The following CHD4 variants were observed in gnomAD, a reference collection of about 807,000 sequenced individuals.
CHD4 encodes chromodomain helicase DNA binding protein 4.
A neutral mutation model predicts 235.5 loss-of-function variants in CHD4; 35 were observed. The ratio of observed to expected loss-of-function variants is 0.15; its 90% CI spans 0.11 to 0.20. CHD4 has a LOEUF of 0.20. Among genes scored for constraint, CHD4 ranks in the 10% least tolerant of loss-of-function variants. The probability of loss-of-function intolerance (pLI) is 1.00; values close to 1 mark genes in which losing one functional copy is unlikely to be tolerated. For missense variants in CHD4, 1,329 were observed against 2,432.3 expected (o/e 0.55, Z 9.54); for synonymous variants, 900 against 850.2 (o/e 1.06, Z -1.02).
intron 25 of CHD4, chr12:6,584,461 G>A (rs1008419716): frequency 3.3e-5 from 5 of 152,104 alleles, no homozygotes; most frequent in Admixed American, 6.6e-5. Context: ...GTAGAGTGGC[G>A]TCATTACGGC....
Position 6,596,075 on chromosome 12 carries a change from G to A in CHD4, c.1955C>T (p.Ala652Val), listed in dbSNP as rs1206041232. 1 of 1,613,888 alleles carries A rather than the reference G, an allele frequency of 6.2e-7. No individual in the cohort carries two copies. The highest frequency in any genetic ancestry group is 2.2e-5 in the East Asian group (1 of 44,878). ...CTCCACATCCTCACTCTCCCAAGAA[G>A]CCTGATCGTAAGGTAAGTCCCGCCA... is the stretch of plus-strand genomic sequence containing the variant. Reference protein sequence around the residue: ...IKWRDLPYDQASWESEDVEIQ... With the variant: ...IKWRDLPYDQVSWESEDVEIQ... The change falls in exon 13 of 40, where the codon GCT becomes GTT. Residue 652 changes from alanine to valine, a missense_variant. Transcript: ENST00000544040.
intron 32 of CHD4, 44 bp from the exon 33 acceptor site, chr12:6,581,217 A>T: frequency 6.2e-7 from 1 of 1,612,398 alleles, no homozygotes; most frequent in South Asian, 1.1e-5. Flanking sequence ...TGAAGCAGAC[A>T]GGCCAGCAAC....
intron 14 of CHD4, 77 bp downstream of exon 14, chr12:6,595,257 A>C: frequency 8.1e-7 from 1 of 1,235,132 alleles, no homozygotes; most frequent in Non-Finnish European, 1.2e-6. Context: ...TTCATTACTT[A>C]AGAGTACCAT....
chr12:6,600,775 C>T (rs1948576139), intron 7 of CHD4, 106 bp from the exon 8 acceptor site: 2 of 1,523,218 alleles, frequency 1.3e-6, no homozygotes, highest in Non-Finnish European at 1.8e-6. Flanking sequence ...TCCCAGCAAG[C>T]ACCGTTATAC....
intron 10 of CHD4, among the ~76,000 whole-genome samples, chr12:6,599,173 TG>T (rs1948547629): frequency 6.6e-6 from 1 of 152,206 alleles, no homozygotes; most frequent in Non-Finnish European, 1.5e-5. Flanking sequence ...GGTAAACACC[TG>T]TAATGCCAGC....
rs1948428642 is a variant in CHD4 at position 6,593,059 on chromosome 12, G to A, written c.2652+32C>T. On this transcript the variant is annotated intron_variant, in intron 17 of 39. Transcript: ENST00000544040. The surrounding 1 kb of genome is among the most constrained non-coding windows in gnomAD (Gnocchi z 4.9). ...GGTAGTACTAGAAAAAACCCAAAGT[G>A]GGGGCTCCAACATCCCTCCCTCAGC... 3 of 1,609,662 alleles carry A rather than the reference G, an allele frequency of 1.9e-6. No individual in the cohort carries two copies. The highest frequency in any genetic ancestry group is 1.3e-5 in the African/African-American group (1 of 74,808).
Position 6,591,686 on chromosome 12 carries a change from C to T in CHD4, c.3222+8G>A. 5 of 1,614,222 alleles carry T rather than the reference C, an allele frequency of 3.1e-6. No individual in the cohort carries two copies. On this transcript the variant is annotated splice_region_variant and intron_variant, in intron 21 of 39. Coordinates refer to ENST00000544040, the MANE Select transcript of CHD4 (RefSeq NM_001273.5). The stretch of plus-strand genomic sequence containing the variant: ...ACTGTTCCCTAAAGCTCCCAGTCCA[C>T]ATGATACCTGGGAAAAGATGAGTAC...
Position 6,588,428 on chromosome 12 carries a change from A to G in CHD4, c.3341-6T>C. The G allele has an allele frequency of 1.2e-6, 2 of 1,612,256 alleles. No individual in the cohort carries two copies. The highest frequency in any genetic ancestry group is 1.7e-6 in the Non-Finnish European group (2 of 1,179,432). On this transcript the variant is annotated splice_region_variant and splice_polypyrimidine_tract_variant and intron_variant, in intron 22 of 39. Transcript: ENST00000544040. ...GAACTGCTGAGCACCCGGTGCTAAT[A>G]AAAGAACCAAAAACACCATTAGAAG...
rs1372572634 is a variant in CHD4, at chr12:6,606,307, G to C, written c.67C>G (p.Leu23Val). Residue 23 changes from leucine to valine, a missense_variant, in exon 2 of 40, where the codon CTT (leucine) becomes GTT (valine). By Grantham distance (32) the Leu-to-Val change is conservative. Coordinates refer to ENST00000544040, the MANE Select transcript of CHD4 (RefSeq NM_001273.5). ...AGSEEEDMDA[L>V]LNNSLPPPHP... is the part of the protein sequence containing the mutation. ...GGTGGGGGCAGGCTGTTGTTCAAAA[G>C]TGCATCCATATCCTCCTCCTCACTG... 8.8e-6 allele frequency: 14 copies of C among 1,585,332 alleles called. No individual in the cohort carries two copies. The South Asian group carries it at 1.6e-4, about 18-fold the overall frequency.
chr12:6,591,324 T>G (rs915642264), intron 22 of CHD4, 142 bp downstream of exon 22: 2 of 658,414 alleles, frequency 3.0e-6, no homozygotes, highest in African/African-American at 3.6e-5. Flanking sequence ...ATTCGTCCAA[T>G]TGAGACATTC....
chr12:6,601,783 G>C lies in CHD4; in HGVS notation c.439-17C>G. ...TTTAGGCTCCTGCAGAAAGAGCAAA[G>C]TCAAGTAAGTACCTGCCACCTAGTG... On this transcript the variant is annotated splice_polypyrimidine_tract_variant and intron_variant, in intron 4 of 39. Coordinates refer to ENST00000544040, the MANE Select transcript of CHD4 (RefSeq NM_001273.5). The C allele has an allele frequency of 6.2e-7, 1 of 1,607,162 alleles. No individual in the cohort carries two copies. Among genetic ancestry groups the C allele is most frequent in the Non-Finnish European group, 8.5e-7 (1 of 1,173,830 alleles).
At chr12:6,606,711 G>C (rs923153491) in intron 1 of CHD4, 10 of 201,234 alleles carry the variant, frequency 5.0e-5, no homozygotes, top group Non-Finnish European at 9.0e-5. Flanking sequence ...GGGCTGGACC[G>C]AGCGGGGTGT....
In CHD4 at chr12:6,578,527, T is replaced by C. The variant is rs1366758784; in HGVS notation, c.5001A>G (p.Glu1667=). ...TCTGAAGCATCACCTCTTTTTTCTCTTCTTCTTCTTTCTTCTCTTCTACAG... is the reference window on the plus strand; with the variant it reads ...TCTGAAGCATCACCTCTTTTTTCTCCTCTTCTTCTTTCTTCTCTTCTACAG... ...VEDKEEKKEE[E]EKKEVMLQNG... Residue 1667 remains glutamate (E), a synonymous_variant, in exon 35 of 40, where the codon GAA becomes GAG. Coordinates refer to ENST00000544040, the MANE Select transcript of CHD4 (RefSeq NM_001273.5). 6.2e-7 allele frequency: 1 copy of C among 1,610,038 alleles called. No homozygotes were observed.
In CHD4 at chr12:6,581,303, C is replaced by G; in HGVS notation, c.4767G>C (p.Glu1589Asp). 6.2e-7 allele frequency: 1 copy of G among 1,614,164 alleles called. No individual in the cohort carries two copies. Among genetic ancestry groups the G allele is most frequent in the Non-Finnish European group, 8.5e-7 (1 of 1,180,010 alleles). The change falls in exon 32 of 40, where the codon GAG becomes GAC. Residue 1589 changes from glutamate to aspartate, a missense_variant. Physicochemically the swap from Glu to Asp is conservative, Grantham distance 45. This residue lies in a region of CHD4 where 219 missense variants were observed against 219.3 expected (regional missense o/e 1.00). Coordinates refer to ENST00000544040, the MANE Select transcript of CHD4 (RefSeq NM_001273.5). ...GEKEVKSTAPETAIECTQAPA... is the reference protein window; with the variant it reads ...GEKEVKSTAPDTAIECTQAPA... ...CCCCATCTCTTACCTCAATGGCAGT[C>G]TCAGGGGCTGTAGATTTAACCTCCT...
At chr12:6,588,229 T>C in intron 23 of CHD4, 69 bp downstream of exon 23, 3 of 1,569,064 alleles carry the variant, frequency 1.9e-6, no homozygotes, top group Non-Finnish European at 2.6e-6. Context: ...GGTGGAGCCC[T>C]CATAGAGGCC....
rs1947944672 is a variant in CHD4, at chr12:6,570,482, T to C, written c.*194A>G. ...AGATGGCGCCAGCGCTACTGCTGCA[T>C]GTCTCTTCTGCAGGAAGGGCACCAC... On this transcript the variant is annotated 3_prime_UTR_variant, in exon 40 of 40. Transcript: ENST00000544040. 1.5e-6 allele frequency: 1 copy of C among 648,316 alleles called. No homozygotes were observed. The highest frequency in any genetic ancestry group is 3.0e-5 in the Admixed American group (1 of 33,570). The allele number at this position is 648,316 out of a possible 1,614,324, so 40.2% of individuals were successfully genotyped here. A position where few individuals can be genotyped will look rare whatever the true frequency, so the allele number is the denominator to read the frequency against.
intron 15 of CHD4, 45 bp downstream of exon 15, chr12:6,594,414 C>A: frequency 1.3e-6 from 2 of 1,545,642 alleles, no homozygotes; most frequent in Admixed American, 1.9e-5. Flanking sequence ...AGGCTTCAAA[C>A]ACAAAACACC....
intron 22 of CHD4, 130 bp from the exon 23 acceptor site, chr12:6,588,552 T>C: frequency 2.1e-6 from 2 of 962,712 alleles, no homozygotes; most frequent in Non-Finnish European, 3.0e-6. Flanking sequence ...CAGAGACAGG[T>C]GGATCATTTG....
Position 6,582,643 on chromosome 12 carries a change from G to A in CHD4, c.4342C>T (p.Leu1448=), listed in dbSNP as rs757447870. 4 of 1,613,782 alleles carry A rather than the reference G, an allele frequency of 2.5e-6. No individual in the cohort carries two copies. The highest frequency in any genetic ancestry group is 3.4e-6 in the Non-Finnish European group (4 of 1,179,866). The change falls in exon 29 of 40, where the codon CTG becomes TTG. Residue 1448 remains leucine (L), a synonymous_variant. Coordinates refer to ENST00000544040, the MANE Select transcript of CHD4 (RefSeq NM_001273.5). ...AFTTQWLVRD[L]RGKSEKEFKA... ...AACTCTTTCTCTGATTTGCCTCGCA[G>A]GTCTCTTACAAGCCACTGGGTAGTA...
Sources: gnomAD v4.1 joint callset for allele counts (sites outside exome capture counted in the v4.1 genomes callset) on GRCh38, gnomAD v4.1.1 for gene constraint, gnomAD v4.1.1 regional missense constraint, Gnocchi (gnomAD v3.1) non-coding constraint, MANE v1.5 for transcripts, NCBI Gene and HGNC (gene_info 2026-07-23, HGNC 2026-07-21) for gene names.